Variants in ZEB2 observed in about 807,000 individuals in gnomAD.
ZEB2 encodes the protein zinc finger E-box-binding homeobox 2.
Under a neutral mutation model 99.9 loss-of-function variants are expected in ZEB2, and 6 were observed. That is an observed-to-expected ratio of 0.06 (90% CI 0.03 to 0.12). The LOEUF is 0.12. ZEB2 is among the 10% of genes least tolerant of loss of function. The pLI, the probability that ZEB2 is intolerant of heterozygous loss-of-function variation, is 1.00. For missense variants in ZEB2, 969 were observed against 1,502.8 expected (o/e 0.64, Z 5.87); for synonymous variants, 517 against 542.5 (o/e 0.95, Z 0.65).
At chr2:144,447,578 C>T (rs1418406129) in intron 2 of ZEB2, among the ~76,000 whole-genome samples, 1 of 152,100 alleles carries the variant, frequency 6.6e-6, no homozygotes, top group Admixed American at 6.5e-5. Context: ...CTAAATTCTC[C>T]CAACTTATCT....
intron 2 of ZEB2, among the ~76,000 whole-genome samples, chr2:144,505,180 A>G (rs1419650307): frequency 6.6e-6 from 1 of 152,100 alleles, no homozygotes; most frequent in Non-Finnish European, 1.5e-5. Context: ...TTGACTATAC[A>G]TTTGAAATGT....
At chr2:144,440,171 T>C (rs2149895237) in intron 2 of ZEB2, among the ~76,000 whole-genome samples, 1 of 152,292 alleles carries the variant, frequency 6.6e-6, no homozygotes, top group African/African-American at 2.4e-5. Flanking sequence ...GCCTATGAAA[T>C]GCACAAAGGT....
At chr2:144,439,588 T>A (rs1703880400) in intron 2 of ZEB2, among the ~76,000 whole-genome samples, 1 of 152,226 alleles carries the variant, frequency 6.6e-6, no homozygotes, top group Non-Finnish European at 1.5e-5. Flanking sequence ...TGTCAGTTAT[T>A]GGGTATAATT....
chr2:144,400,839 T>C (rs1703300635), intron 7 of ZEB2, among the ~76,000 whole-genome samples: 2 of 152,210 alleles, frequency 1.3e-5, no homozygotes, highest in South Asian at 2.1e-4. Flanking sequence ...TCACCCTTTT[T>C]TTCATGGGTA....
chr2:144,430,059 C>T (rs766647182), intron 2 of ZEB2, 33 bp from the exon 3 acceptor site: 3 of 1,609,164 alleles, frequency 1.9e-6, no homozygotes, highest in South Asian at 1.1e-5. Flanking sequence ...ACTCTCTAAA[C>T]ACTCTGTTGA....
At chr2:144,414,345 T>A (rs6430057) in intron 4 of ZEB2, among the ~76,000 whole-genome samples, 31,999 of 152,038 alleles carry the variant, frequency 0.21, 3,871 homozygotes, top group African/African-American at 0.33. Context: ...GGGCCCCTCA[T>A]TCAAAAATTG....
At position 144,409,718 on chromosome 2, in the gene ZEB2, G is replaced by A. The variant is rs140846211; in HGVS notation, c.404-4694C>T. 5.9e-5 allele frequency among the ~76,000 whole-genome samples: 9 copies of A among 152,066 alleles called. No homozygotes were observed. The East Asian group carries it at 1.6e-3, about 26-fold the overall frequency. On this transcript the variant is annotated intron_variant, in intron 4 of 9. Coordinates refer to ENST00000627532, the MANE Select transcript of ZEB2 (RefSeq NM_014795.4). ...ATATCTAGCTTGGGCAACAAATCTCGTCTCTATAGAAAGTAAAAGAATTAG... is the reference window on the plus strand; with the variant it reads ...ATATCTAGCTTGGGCAACAAATCTCATCTCTATAGAAAGTAAAAGAATTAG...
intron 8 of ZEB2, 148 bp downstream of exon 8, chr2:144,398,153 T>C: frequency 3.2e-6 from 3 of 930,100 alleles, no homozygotes; most frequent in Non-Finnish European, 4.9e-6. Flanking sequence ...TCCATTGTTC[T>C]AGCCCACTGA....
intron 2 of ZEB2, among the ~76,000 whole-genome samples, chr2:144,507,970 T>C (rs1030867036): frequency 7.9e-5 from 12 of 152,248 alleles, no homozygotes; most frequent in African/African-American, 2.7e-4. Context: ...AATTAGATCA[T>C]GAATGAGATC....
At chr2:144,501,192 C>T (rs1704863979) in intron 2 of ZEB2, among the ~76,000 whole-genome samples, 1 of 152,164 alleles carries the variant, frequency 6.6e-6, no homozygotes, top group South Asian at 2.1e-4. Context: ...CAGGAATACC[C>T]TAGCCTAATG....
intron 2 of ZEB2, among the ~76,000 whole-genome samples, chr2:144,498,892 G>A (rs1014018498): frequency 6.6e-6 from 1 of 152,210 alleles, no homozygotes; most frequent in African/African-American, 2.4e-5. Context: ...ACCACAGAGT[G>A]AGACCCTGTC....
intron 2 of ZEB2, among the ~76,000 whole-genome samples, chr2:144,447,514 C>G (rs891560094): frequency 6.6e-6 from 1 of 152,172 alleles, no homozygotes; most frequent in African/African-American, 2.4e-5. Context: ...CTTGTCCATT[C>G]ATCACAACTA....
chr2:144,392,147 A>C (rs1315229267), intron 9 of ZEB2, among the ~76,000 whole-genome samples: 1 of 152,210 alleles, frequency 6.6e-6, no homozygotes, highest in African/African-American at 2.4e-5. Context: ...TATAGATGAA[A>C]ATTTTCTTGA....
chr2:144,468,880 C>A (rs539499836), intron 2 of ZEB2, among the ~76,000 whole-genome samples: 1 of 152,096 alleles, frequency 6.6e-6, no homozygotes, highest in East Asian at 1.9e-4. Flanking sequence ...TCCTTTCTGA[C>A]CTGTTCAGGG....
intron 9 of ZEB2, among the ~76,000 whole-genome samples, chr2:144,392,391 A>C (rs945304334): frequency 2.0e-5 from 3 of 152,270 alleles, no homozygotes; most frequent in Non-Finnish European, 2.9e-5. Context: ...AAGGCCCGTT[A>C]GCAATGCTTC....
chr2:144,508,041 T>C (rs1704974423), intron 2 of ZEB2, among the ~76,000 whole-genome samples: 1 of 152,176 alleles, frequency 6.6e-6, no homozygotes. Context: ...AAAAAGTAAT[T>C]TTAAGCCTCC....
intron 6 of ZEB2, among the ~76,000 whole-genome samples, chr2:144,401,851 A>G (rs1703315514): frequency 6.6e-6 from 1 of 152,222 alleles, no homozygotes; most frequent in African/African-American, 2.4e-5. Context: ...CACAAACAAA[A>G]AAACCTTGAC....
intron 2 of ZEB2, among the ~76,000 whole-genome samples, chr2:144,468,133 G>C (rs1033720839): frequency 6.6e-6 from 1 of 152,112 alleles, no homozygotes; most frequent in Non-Finnish European, 1.5e-5. Flanking sequence ...GTAACTGATA[G>C]AGGAGACAGG....
At chr2:144,446,933 T>G (rs750293613) in intron 2 of ZEB2, among the ~76,000 whole-genome samples, 15 of 151,586 alleles carry the variant, frequency 9.9e-5, no homozygotes, top group Non-Finnish European at 4.4e-5. Flanking sequence ...GGAGAATTGC[T>G]TGAACCCAAG....
Sources: allele counts gnomAD v4.1 joint callset (sites outside exome capture counted in the v4.1 genomes callset), GRCh38; gene constraint gnomAD v4.1.1; transcripts MANE v1.5; gene names NCBI Gene and HGNC (gene_info 2026-07-23, HGNC 2026-07-21).